SLMAP: variants seen among roughly 807,000 people sequenced by gnomAD.
SLMAP encodes sarcolemma associated protein, also known as sarcolemmal membrane-associated protein.
In SLMAP, 44 loss-of-function variants were observed where a neutral mutation model predicts 128.8. That is an observed-to-expected ratio of 0.34 (90% CI 0.27 to 0.44). SLMAP has a LOEUF of 0.44. Ranked by LOEUF, SLMAP falls within the 20% of genes least tolerant of loss-of-function variation. The pLI is 1.00. For missense variants in SLMAP, 787 were observed against 985.3 expected, an observed-to-expected ratio of 0.80 and a Z score of 2.69; for synonymous variants, 327 against 348.8, an observed-to-expected ratio of 0.94 and a Z score of 0.70.
At chr3:57,922,845 C>G (rs745733565) in intron 22 of SLMAP, 44 bp from the exon 23 acceptor site, 1 of 1,578,882 alleles carries the variant, frequency 6.3e-7, no homozygotes, top group Admixed American at 1.7e-5. Flanking sequence ...ACATCATACC[C>G]ATTTTAAGTT....
intron 2 of SLMAP, among the ~76,000 whole-genome samples, chr3:57,781,979 C>T (rs2083185890): frequency 2.0e-5 from 3 of 152,082 alleles, no homozygotes; most frequent in Admixed American, 1.3e-4. Context: ...AGTGACTGCC[C>T]ATGTCAGCCT....
At chr3:57,917,303 A>T in intron 22 of SLMAP, 1 of 1,154,348 alleles carries the variant, frequency 8.7e-7, no homozygotes, top group Non-Finnish European at 1.2e-6. Flanking sequence ...ACAAAACTAC[A>T]TTTTAATTTT....
chr3:57,864,310 G>A (rs1365721288), intron 10 of SLMAP, among the ~76,000 whole-genome samples: 1 of 152,074 alleles, frequency 6.6e-6, no homozygotes, highest in Non-Finnish European at 1.5e-5. Flanking sequence ...GGGAGGCTGA[G>A]GCAGGAGAAT....
intron 2 of SLMAP, among the ~76,000 whole-genome samples, chr3:57,766,388 G>T (rs188455754): frequency 5.3e-5 from 8 of 151,958 alleles, no homozygotes; most frequent in Non-Finnish European, 1.2e-4. Context: ...GTAGGGAAGA[G>T]AATGTCATTT....
At chr3:57,913,296 T>G in intron 21 of SLMAP, 21 bp downstream of exon 21, 1 of 1,017,590 alleles carries the variant, frequency 9.8e-7, no homozygotes, top group Non-Finnish European at 1.5e-6. Context: ...ACTCTCTGTT[T>G]TTCAGATATA....
intron 17 of SLMAP, among the ~76,000 whole-genome samples, chr3:57,903,700 C>T (rs1334869464): frequency 1.3e-5 from 2 of 152,204 alleles, no homozygotes; most frequent in African/African-American, 4.8e-5. Flanking sequence ...AGACTATACA[C>T]CAGGCAGTTC....
rs2077764028 is a variant in SLMAP at position 57,756,852 on chromosome 3, TCCGCACCGGCCTGCGGAGCCGGGTCC to T, written c.-795_-770del. On this transcript the variant is annotated 5_prime_UTR_variant, in exon 2 of 25. Coordinates refer to ENST00000671191, the MANE Select transcript of SLMAP (RefSeq NM_001377540.1). ...CCTCCCGGTGTCGCGCCTCGCTCGG[TCCGCACCGGCCTGCGGAGCCGGGTCC>T]CCGCCCTGGTCGCGGGGACGCTCGC... 6.6e-6 allele frequency: 1 copy of T among 152,084 alleles called. No homozygotes were observed. Among genetic ancestry groups the T allele is most frequent in the Non-Finnish European group, 1.5e-5 (1 of 68,036 alleles). 9.4% of individuals were successfully genotyped at this position (152,084 alleles called of 1,614,324 possible). A position where few individuals can be genotyped will look rare whatever the true frequency, so the allele number is the denominator to read the frequency against.
At chr3:57,899,331 T>C (rs998530840) in intron 17 of SLMAP, 6 of 152,200 alleles carry the variant, frequency 3.9e-5, no homozygotes, top group African/African-American at 1.4e-4. Flanking sequence ...AAGATGCATG[T>C]GGAGCTGGCG....
intron 17 of SLMAP, among the ~76,000 whole-genome samples, chr3:57,906,300 C>CTTTCTTTTTTTTTTTTTT (rs1559511938): frequency 1.4e-5 from 1 of 71,290 alleles, no homozygotes; most frequent in Non-Finnish European, 2.8e-5. Flanking sequence ...AAATTTTTTT[C>CTTTCTTTTTTTTTTTTTT]TTTTTTTTTC....
chr3:57,927,330 T>G lies in SLMAP; in HGVS notation c.*41T>G. ...CCCTGGATGCCCATGTTGGCTGCCC[T>G]GGTTGCAGTAACAGCCATCGTGCTG... On this transcript the variant is annotated 3_prime_UTR_variant, in exon 25 of 25. Coordinates refer to ENST00000671191, the MANE Select transcript of SLMAP (RefSeq NM_001377540.1). 1 of 1,608,112 alleles carries G rather than the reference T, an allele frequency of 6.2e-7. No individual in the cohort carries two copies. Among genetic ancestry groups the G allele is most frequent in the Non-Finnish European group, 8.5e-7 (1 of 1,176,062 alleles).
At chr3:57,866,278 G>A (rs573464979) in intron 13 of SLMAP, among the ~76,000 whole-genome samples, 2,520 of 41,282 alleles carry the variant, frequency 0.061, 61 homozygotes, top group African/African-American at 0.18. Flanking sequence ...CTTTAAAAAA[G>A]AAAAGAAAAG....
intron 2 of SLMAP, among the ~76,000 whole-genome samples, chr3:57,779,960 AT>A (rs924390874): frequency 3.6e-4 from 55 of 152,008 alleles, no homozygotes; most frequent in Admixed American, 2.4e-3. Context: ...TTTCATTCAT[AT>A]TTATATGCTT....
intron 2 of SLMAP, among the ~76,000 whole-genome samples, chr3:57,806,278 G>C (rs2089839082): frequency 6.6e-6 from 1 of 151,878 alleles, no homozygotes; most frequent in Non-Finnish European, 1.5e-5. Flanking sequence ...TCATTGTTCA[G>C]CTGCCACTTA....
chr3:57,824,887 A>T (rs996948904), intron 2 of SLMAP, among the ~76,000 whole-genome samples: 5 of 152,156 alleles, frequency 3.3e-5, no homozygotes, highest in African/African-American at 1.2e-4. Context: ...GTCCATGAAC[A>T]TGGGGACATC....
intron 13 of SLMAP, 60 bp from the exon 14 acceptor site, chr3:57,871,576 C>A: frequency 2.3e-6 from 3 of 1,287,814 alleles, no homozygotes; most frequent in Admixed American, 1.7e-5. Flanking sequence ...CCTACCTTTG[C>A]TGTTGGTTTT....
At chr3:57,794,373 A>G (rs2086219948) in intron 2 of SLMAP, among the ~76,000 whole-genome samples, 1 of 152,168 alleles carries the variant, frequency 6.6e-6, no homozygotes, top group Non-Finnish European at 1.5e-5. Flanking sequence ...AAAGTCACAT[A>G]CTTACAGTCT....
At chr3:57,834,894 G>C (rs1406679073) in intron 3 of SLMAP, among the ~76,000 whole-genome samples, 1 of 152,064 alleles carries the variant, frequency 6.6e-6, no homozygotes, top group Non-Finnish European at 1.5e-5. Context: ...GTCTGAGGCA[G>C]GTGGATTGCT....
intron 12 of SLMAP, 85 bp downstream of exon 12, chr3:57,864,942 T>C: frequency 9.3e-7 from 1 of 1,072,938 alleles, no homozygotes. Flanking sequence ...CTGCATTTTT[T>C]AAGGGATGTT....
intron 6 of SLMAP, among the ~76,000 whole-genome samples, chr3:57,851,631 C>T (rs965027291): frequency 6.6e-6 from 1 of 151,784 alleles, no homozygotes; most frequent in African/African-American, 2.4e-5. Flanking sequence ...TGCCACCACA[C>T]CTGGCTAATT....
Sources: gnomAD v4.1 joint callset for allele counts (sites outside exome capture counted in the v4.1 genomes callset) on GRCh38, gnomAD v4.1.1 for gene constraint, MANE v1.5 for transcripts, NCBI Gene and HGNC (gene_info 2026-07-23, HGNC 2026-07-21) for gene names.